The following CDH13 variants were observed in gnomAD, a reference collection of about 807,000 sequenced individuals.
CDH13 encodes cadherin 13.
Under a neutral mutation model 63.8 loss-of-function variants are expected in CDH13, and 24 were observed. The ratio of observed to expected loss-of-function variants is 0.38; its 90% CI spans 0.27 to 0.53. The LOEUF (loss-of-function observed/expected upper bound fraction) is 0.53. CDH13 is among the 20% of genes least tolerant of loss of function. The pLI, the probability that CDH13 is intolerant of heterozygous loss-of-function variation, is 0.85. For missense variants in CDH13, 1,049 were observed against 903.1 expected (o/e 1.16, Z -2.07); for synonymous variants, 503 against 355.3 (o/e 1.42, Z -4.67).
intron 3 of CDH13, among the ~76,000 whole-genome samples, chr16:83,059,017 G>A (rs900712853): frequency 6.6e-6 from 1 of 152,090 alleles, no homozygotes; most frequent in African/African-American, 2.4e-5. Context: ...GGAGATTCCC[G>A]GGAAGAAAAG....
chr16:83,393,438 C>A (rs1278098428), intron 6 of CDH13, among the ~76,000 whole-genome samples: 1 of 152,130 alleles, frequency 6.6e-6, no homozygotes, highest in Non-Finnish European at 1.5e-5. Context: ...TGAGGAGAAG[C>A]CAGCCCAGAA....
chr16:83,377,821 A>G (rs2091485607), intron 6 of CDH13, among the ~76,000 whole-genome samples: 1 of 152,154 alleles, frequency 6.6e-6, no homozygotes, highest in Admixed American at 6.5e-5. Flanking sequence ...TTCTGGTGTT[A>G]TCTGGTAGAA....
chr16:82,697,435 T>C (rs997422461), intron 1 of CDH13, among the ~76,000 whole-genome samples: 2 of 139,586 alleles, frequency 1.4e-5, no homozygotes, highest in East Asian at 2.1e-4. Context: ...TTTTTTTTTT[T>C]TTTTTTTTTT....
In CDH13 at chr16:83,086,564, A is replaced by C. The variant is rs116836395; in HGVS notation, c.367-38821A>C. Among the ~76,000 whole-genome samples the C allele has an allele frequency of 4.8e-3, 736 of 152,304 alleles. 3 individuals carry two copies. Among genetic ancestry groups the C allele is most frequent in the African/African-American group, 0.017 (706 of 41,548 alleles). ...TCCAAATTGGATTCCCCATTCCTCA[A>C]GGTCTTGTATAGCTTAACTTATAAC... On this transcript the variant is annotated intron_variant, in intron 3 of 13. Transcript: ENST00000567109.
chr16:82,650,851 G>T (rs958708373), intron 1 of CDH13, among the ~76,000 whole-genome samples: 1 of 152,210 alleles, frequency 6.6e-6, no homozygotes, highest in African/African-American at 2.4e-5. Flanking sequence ...TCTAAGTTTG[G>T]TTGTAAGCCC....
intron 2 of CDH13, among the ~76,000 whole-genome samples, chr16:82,984,958 CA>C (rs749630136): frequency 5.9e-5 from 9 of 152,130 alleles, no homozygotes; most frequent in African/African-American, 9.7e-5. Context: ...TAGCTGCTTG[CA>C]AAGCCAGAAC....
At chr16:83,554,919 CTTTT>C (rs200979734) in intron 7 of CDH13, among the ~76,000 whole-genome samples, 42,497 of 133,572 alleles carry the variant, frequency 0.32, 7,034 homozygotes, top group East Asian at 0.41. Context: ...ACTGCTGAAT[CTTTT>C]TTTTTTTTTT....
At chr16:83,033,659 C>T (rs1916587257) in intron 3 of CDH13, among the ~76,000 whole-genome samples, 1 of 152,232 alleles carries the variant, frequency 6.6e-6, no homozygotes, top group Non-Finnish European at 1.5e-5. Flanking sequence ...CACTCCCACA[C>T]ATATGCATAC....
chr16:83,243,199 G>T (rs1904642921), intron 5 of CDH13, among the ~76,000 whole-genome samples: 1 of 152,072 alleles, frequency 6.6e-6, no homozygotes, highest in African/African-American at 2.4e-5. Context: ...TCTCATCTAT[G>T]GCTGTACTAG....
intron 4 of CDH13, among the ~76,000 whole-genome samples, chr16:83,200,577 T>G (rs1032783481): frequency 7.9e-5 from 12 of 152,172 alleles, no homozygotes; most frequent in Admixed American, 2.0e-4. Context: ...CAACATGATC[T>G]CATTAGGAGT....
intron 1 of CDH13, among the ~76,000 whole-genome samples, chr16:82,678,319 C>CTTTA (rs1914168090): frequency 6.9e-6 from 1 of 144,776 alleles, no homozygotes; most frequent in East Asian, 2.0e-4. Flanking sequence ...ACAGAAAAAA[C>CTTTA]TTTTTTTTTT....
At chr16:82,669,475 A>G (rs2150940653) in intron 1 of CDH13, among the ~76,000 whole-genome samples, 1 of 152,378 alleles carries the variant, frequency 6.6e-6, no homozygotes, top group South Asian at 2.1e-4. Context: ...ACATTCTAGT[A>G]CGGACTTAAT....
intron 7 of CDH13, among the ~76,000 whole-genome samples, chr16:83,581,065 C>T (rs1905550878): frequency 6.6e-6 from 1 of 152,124 alleles, no homozygotes; most frequent in Admixed American, 6.6e-5. Context: ...AAATCCTAGC[C>T]TTTGGTTTTG....
intron 7 of CDH13, among the ~76,000 whole-genome samples, chr16:83,533,353 G>A (rs1464695321): frequency 6.6e-6 from 1 of 152,192 alleles, no homozygotes; most frequent in Non-Finnish European, 1.5e-5. Context: ...CCAGAGGTGA[G>A]TCATTTTTAC....
At chr16:82,847,296 C>CA (rs34787913) in intron 1 of CDH13, among the ~76,000 whole-genome samples, 2 of 152,156 alleles carry the variant, frequency 1.3e-5, no homozygotes, top group Admixed American at 6.5e-5. Context: ...GTCAGAAGTT[C>CA]AAAATGGGCT....
At chr16:82,682,091 A>G (rs1380126835) in intron 1 of CDH13, among the ~76,000 whole-genome samples, 1 of 152,192 alleles carries the variant, frequency 6.6e-6, no homozygotes, top group African/African-American at 2.4e-5. Flanking sequence ...TTGAATTTTT[A>G]TTGTTAAAAT....
chr16:83,061,590 A>G (rs947983642), intron 3 of CDH13, among the ~76,000 whole-genome samples: 1 of 152,154 alleles, frequency 6.6e-6, no homozygotes, highest in African/African-American at 2.4e-5. Flanking sequence ...GCAGCAGAGG[A>G]TTCAGGGCAC....
At chr16:83,417,594 T>G (rs2071588014) in intron 6 of CDH13, among the ~76,000 whole-genome samples, 1 of 152,208 alleles carries the variant, frequency 6.6e-6, no homozygotes, top group African/African-American at 2.4e-5. Flanking sequence ...GGCAGAGATG[T>G]TGCAGCAAAC....
At chr16:83,397,378 AC>A (rs1417821899) in intron 6 of CDH13, 1 of 152,162 alleles carries the variant, frequency 6.6e-6, no homozygotes, top group Admixed American at 6.5e-5. Flanking sequence ...CTCTGAAGAT[AC>A]CCTCAGATGC....
Sources: gnomAD v4.1 joint callset for allele counts (sites outside exome capture counted in the v4.1 genomes callset) on GRCh38, gnomAD v4.1.1 for gene constraint, MANE v1.5 for transcripts, NCBI Gene and HGNC (gene_info 2026-07-23, HGNC 2026-07-21) for gene names.